Variants in IQCK observed in about 807,000 individuals in gnomAD.
IQCK encodes the protein IQ domain-containing protein K.
In IQCK, 29 loss-of-function variants were observed where a neutral mutation model predicts 28.1. That is an observed-to-expected ratio of 1.03 (90% CI 0.77 to 1.41). The LOEUF (loss-of-function observed/expected upper bound fraction) is 1.41, where lower values mean the gene tolerates loss of function less well. Ranked by LOEUF, IQCK falls within the 40% of genes most tolerant of loss-of-function variation. The probability of loss-of-function intolerance (pLI) is 0.00; values close to 1 mark genes in which losing one functional copy is unlikely to be tolerated. For missense variants in IQCK, 359 were observed against 314.7 expected, an observed-to-expected ratio of 1.14 and a Z score of -1.07; for synonymous variants, 113 against 115.1, an observed-to-expected ratio of 0.98 and a Z score of 0.12.
At chr16:19,771,293 T>G (rs941582389) in intron 6 of IQCK, among the ~76,000 whole-genome samples, 2 of 152,190 alleles carry the variant, frequency 1.3e-5, no homozygotes, top group African/African-American at 4.8e-5. Context: ...TGTTTTGGCA[T>G]GTTGCCCAGG....
At chr16:19,767,860 A>G (rs1255073417) in intron 6 of IQCK, among the ~76,000 whole-genome samples, 2 of 152,016 alleles carry the variant, frequency 1.3e-5, no homozygotes, top group Non-Finnish European at 2.9e-5. Context: ...AGCCTGGGTG[A>G]CAGAGCGAGA....
At chr16:19,761,194 A>G in intron 4 of IQCK, 1 of 340,266 alleles carries the variant, frequency 2.9e-6, no homozygotes, top group South Asian at 2.3e-5. Flanking sequence ...CCCCTATTCA[A>G]GATGGAGTTG....
chr16:19,814,442 C>G (rs1054604919), intron 7 of IQCK, among the ~76,000 whole-genome samples: 3 of 151,772 alleles, frequency 2.0e-5, no homozygotes, highest in Non-Finnish European at 4.4e-5. Context: ...ACTAATAAAT[C>G]AGTAGAAGGA....
intron 7 of IQCK, among the ~76,000 whole-genome samples, chr16:19,801,050 GTTCT>G (rs2055752966): frequency 7.1e-6 from 1 of 140,222 alleles, no homozygotes; most frequent in East Asian, 2.0e-4. Context: ...TTTGGAAAGT[GTTCT>G]TTGTTTTATT....
chr16:19,818,055 AG>A (rs112428456), intron 7 of IQCK, among the ~76,000 whole-genome samples: 13,171 of 152,196 alleles, frequency 0.087, 1,871 homozygotes, highest in African/African-American at 0.3. Flanking sequence ...GATAAACACG[AG>A]CCTGTGGGAA....
intron 4 of IQCK, among the ~76,000 whole-genome samples, chr16:19,749,305 C>T (rs529769336): frequency 5.9e-5 from 9 of 152,184 alleles, no homozygotes; most frequent in Non-Finnish European, 1.2e-4. Context: ...CGAAGCTGAA[C>T]GCCTTCCAAC....
At chr16:19,807,608 G>C (rs558683442) in intron 7 of IQCK, among the ~76,000 whole-genome samples, 2 of 152,296 alleles carry the variant, frequency 1.3e-5, no homozygotes, top group East Asian at 3.9e-4. Context: ...ATGGTTCCCA[G>C]GAGAGTCTTT....
exon 10 of IQCK, chr16:19,857,453 A>G (rs1036300537): frequency 4.5e-6 from 2 of 440,790 alleles, no homozygotes; most frequent in Non-Finnish European, 9.0e-6. Context: ...CTTTTTTATA[A>G]GTATGCAACA....
At chr16:19,827,085 C>G in exon 8 of IQCK, 2 of 1,614,056 alleles carry the variant, frequency 1.2e-6, no homozygotes, top group Non-Finnish European at 1.7e-6. Context: ...TTCGCGAGGC[C>G]AAGCACATTC....
Position 19,855,636 on chromosome 16 carries a change from G to A in IQCK, c.803-851G>A, listed in dbSNP as rs58872010. On this transcript the variant is annotated intron_variant, in intron 9 of 9. Coordinates refer to the IQCK transcript ENST00000320394. The stretch of plus-strand genomic sequence containing the variant: ...TGGTGTACATACCCACCTCTTTGCC[G>A]CATCTGGCTGGTGCATGCCCTTAGT... Among the ~76,000 whole-genome samples the A allele has an allele frequency of 3.1e-4, 47 of 152,200 alleles. No individual in the cohort carries two copies. The East Asian group carries it at 8.7e-3, about 28-fold the overall frequency.
intron 9 of IQCK, among the ~76,000 whole-genome samples, chr16:19,855,272 A>C (rs2056544209): frequency 6.6e-6 from 1 of 152,112 alleles, no homozygotes; most frequent in Non-Finnish European, 1.5e-5. Context: ...TGTGTTGCTG[A>C]AGGCCCTCAT....
exon 1 of IQCK, chr16:19,718,332 G>A (rs1977318777): frequency 6.2e-7 from 1 of 1,609,378 alleles, no homozygotes; most frequent in African/African-American, 1.3e-5. Context: ...CAAATCCCCA[G>A]CCACATAGTG....
intron 7 of IQCK, among the ~76,000 whole-genome samples, chr16:19,824,093 A>T (rs952283987): frequency 1.3e-5 from 2 of 152,162 alleles, no homozygotes; most frequent in African/African-American, 4.8e-5. Context: ...CGTTACATTT[A>T]TTGTGTACTT....
intron 7 of IQCK, among the ~76,000 whole-genome samples, chr16:19,812,811 A>G (rs2055925215): frequency 6.6e-6 from 1 of 152,222 alleles, no homozygotes; most frequent in Non-Finnish European, 1.5e-5. Context: ...AATCTTGCTG[A>G]AAGAAAAAGG....
intron 2 of IQCK, among the ~76,000 whole-genome samples, chr16:19,732,343 G>A (rs1379761346): frequency 6.6e-6 from 1 of 152,158 alleles, no homozygotes; most frequent in Non-Finnish European, 1.5e-5. Flanking sequence ...TTCTGGATGG[G>A]TCTCTTCTAT....
At chr16:19,819,067 A>G (rs942045740) in intron 7 of IQCK, among the ~76,000 whole-genome samples, 4 of 152,198 alleles carry the variant, frequency 2.6e-5, no homozygotes, top group Admixed American at 2.6e-4. Flanking sequence ...GGCCTTTGCT[A>G]TAGAAGAACA....
At chr16:19,719,402 G>A (rs1977400517) in intron 1 of IQCK, among the ~76,000 whole-genome samples, 1 of 151,674 alleles carries the variant, frequency 6.6e-6, no homozygotes, top group African/African-American at 2.4e-5. Flanking sequence ...CTGAAACAGC[G>A]CGGTGAAACC....
chr16:19,750,979 G>T (rs1369510300), intron 4 of IQCK, among the ~76,000 whole-genome samples: 2 of 152,002 alleles, frequency 1.3e-5, no homozygotes, highest in Non-Finnish European at 2.9e-5. Context: ...TGGCAGGTAC[G>T]GTGATGAGGG....
chr16:19,746,279 C>T (rs942307181), intron 4 of IQCK, among the ~76,000 whole-genome samples: 3 of 151,008 alleles, frequency 2.0e-5, no homozygotes, highest in Admixed American at 6.6e-5. Context: ...GCATGCAATG[C>T]GAAATATCAT....
Sources: gnomAD v4.1 joint callset for allele counts (sites outside exome capture counted in the v4.1 genomes callset) on GRCh38, gnomAD v4.1.1 for gene constraint, MANE v1.5 for transcripts, NCBI Gene and HGNC (gene_info 2026-07-23, HGNC 2026-07-21) for gene names.